TRIM37: variants seen among roughly 807,000 people sequenced by gnomAD.
TRIM37 encodes tripartite motif containing 37.
A neutral mutation model predicts 129.8 loss-of-function variants in TRIM37; 80 were observed. The observed-to-expected ratio is 0.62, with a 90% CI of 0.51 to 0.74. The LOEUF (loss-of-function observed/expected upper bound fraction) is 0.74, where lower values mean the gene tolerates loss of function less well. Among genes scored for constraint, TRIM37 ranks in the 30% least tolerant of loss-of-function variants. The probability of loss-of-function intolerance (pLI) is 0.00; values close to 1 mark genes in which losing one functional copy is unlikely to be tolerated. For missense variants in TRIM37, 1,054 were observed against 1,176.5 expected, an observed-to-expected ratio of 0.90 and a Z score of 1.52; for synonymous variants, 389 against 387.1, an observed-to-expected ratio of 1.00 and a Z score of -0.06.
chr17:59,031,786 A>G, intron 18 of TRIM37, 110 bp downstream of exon 18: 1 of 1,115,278 alleles, frequency 9.0e-7, no homozygotes. Flanking sequence ...ACAATGAAAA[A>G]CACAGAAATA....
chr17:59,042,212 T>C (rs935377643), intron 16 of TRIM37, among the ~76,000 whole-genome samples: 3 of 150,376 alleles, frequency 2.0e-5, no homozygotes, highest in Non-Finnish European at 4.4e-5. Flanking sequence ...CTGTCTCTAC[T>C]AAAAATACAA....
In TRIM37 at chr17:59,001,704, G is replaced by C; in HGVS notation, c.2706C>G (p.Ser902Arg). 6.2e-7 allele frequency: 1 copy of C among 1,613,944 alleles called. No individual in the cohort carries two copies. Among genetic ancestry groups the C allele is most frequent in the Non-Finnish European group, 8.5e-7 (1 of 1,179,942 alleles). ...ASAAPEEGMS[S>R]DSDIECDTEN... ...CAGTGTCACATTCAATGTCACTGTC[G>C]CTACTCATTCCTGGCAGGAAGGAAG... The change falls in exon 23 of 24, where the codon AGC (serine) becomes AGG (arginine). Residue 902 changes from serine to arginine, a missense_variant. Ser to Arg is a moderately radical substitution (Grantham distance 110). This residue lies in a region of TRIM37 where 287 missense variants were observed against 274.3 expected (regional missense o/e 1.05). Coordinates refer to ENST00000262294, the MANE Select transcript of TRIM37 (RefSeq NM_015294.6).
At chr17:59,067,176 C>T (rs577496075) in intron 9 of TRIM37, among the ~76,000 whole-genome samples, 65 of 152,272 alleles carry the variant, frequency 4.3e-4, no homozygotes, top group African/African-American at 1.2e-3. Flanking sequence ...CATCTAATTC[C>T]ACCACCACAT....
intron 1 of TRIM37, among the ~76,000 whole-genome samples, chr17:59,105,963 G>A (rs1482003608): frequency 2.0e-5 from 3 of 152,164 alleles, no homozygotes; most frequent in African/African-American, 7.2e-5. Context: ...AGAAGAGTTT[G>A]TTCTGGAAAC....
chr17:59,062,864 CT>C (rs2041613075), intron 10 of TRIM37, among the ~76,000 whole-genome samples: 1 of 152,070 alleles, frequency 6.6e-6, no homozygotes, highest in African/African-American at 2.4e-5. Flanking sequence ...TCAGCAATAT[CT>C]TTTAAGTTTC....
In TRIM37 at chr17:59,079,430, T is replaced by C. The variant is rs542226032; in HGVS notation, c.616+324A>G. On this transcript the variant is annotated intron_variant, in intron 7 of 23. Coordinates refer to ENST00000262294, the MANE Select transcript of TRIM37 (RefSeq NM_015294.6). ...TCAGTTTCTTCATCCCCAATGAAAA[T>C]GGATGGAAAGGATATGGAACATTAG... Among the ~76,000 whole-genome samples, 40 of 152,062 alleles carry C rather than the reference T, an allele frequency of 2.6e-4. No homozygotes were observed. The South Asian group carries it at 8.1e-3, about 31-fold the overall frequency.
chr17:59,103,496 C>T (rs889242141), intron 2 of TRIM37, among the ~76,000 whole-genome samples: 13 of 151,714 alleles, frequency 8.6e-5, no homozygotes, highest in Non-Finnish European at 1.8e-4. Flanking sequence ...CACACACCAC[C>T]ATGCCCAGCT....
chr17:58,972,187 A>T, the TRIM37 span: 1 of 1,613,974 alleles, frequency 6.2e-7, no homozygotes, highest in Admixed American at 1.7e-5. Flanking sequence ...AACATGCTAC[A>T]TGTGGCCTGG....
At position 59,047,672 on chromosome 17, in the gene TRIM37, G is replaced by A; in HGVS notation, c.1667+11C>T. On this transcript the variant is annotated intron_variant, in intron 16 of 23. Transcript: ENST00000262294. ...CTTAAATGCTTTACAGTAGTAAAGTGGGAAACTCACATAGTTTCTTCATCA... is the reference window on the plus strand; with the variant it reads ...CTTAAATGCTTTACAGTAGTAAAGTAGGAAACTCACATAGTTTCTTCATCA... 6.2e-7 allele frequency: 1 copy of A among 1,610,992 alleles called. No individual in the cohort carries two copies. Among genetic ancestry groups the A allele is most frequent in the Non-Finnish European group, 8.5e-7 (1 of 1,178,382 alleles).
At chr17:59,056,159 T>C (rs896511935) in intron 13 of TRIM37, among the ~76,000 whole-genome samples, 1 of 152,038 alleles carries the variant, frequency 6.6e-6, no homozygotes, top group South Asian at 2.1e-4. Flanking sequence ...AACAGACAAA[T>C]GGAACATTAC....
intron 14 of TRIM37, among the ~76,000 whole-genome samples, 192 bp downstream of exon 14, chr17:59,051,022 C>G (rs1301420780): frequency 1.3e-5 from 2 of 151,894 alleles, no homozygotes; most frequent in African/African-American, 4.8e-5. Flanking sequence ...TTTACATGGC[C>G]GTATGTGGCT....
At chr17:59,080,718 G>C (rs1457607979) in intron 6 of TRIM37, among the ~76,000 whole-genome samples, 2 of 152,154 alleles carry the variant, frequency 1.3e-5, no homozygotes, top group Admixed American at 1.3e-4. Context: ...TTGAGCCCGG[G>C]AGGTGGAGGT....
intron 7 of TRIM37, among the ~76,000 whole-genome samples, chr17:59,076,186 T>TA (rs971188115): frequency 6.4e-4 from 95 of 147,824 alleles, no homozygotes; most frequent in South Asian, 1.5e-3. Context: ...AGGACCTGTT[T>TA]AAAAAAAAAA....
intron 22 of TRIM37, among the ~76,000 whole-genome samples, chr17:59,009,999 T>C (rs1002914197): frequency 3.3e-5 from 5 of 152,200 alleles, no homozygotes; most frequent in Admixed American, 6.5e-5. Flanking sequence ...AACTGGCTAT[T>C]AGTCTCCCCT....
At chr17:59,007,088 C>T (rs1241633026) in intron 22 of TRIM37, among the ~76,000 whole-genome samples, 3 of 151,092 alleles carry the variant, frequency 2.0e-5, no homozygotes, top group Non-Finnish European at 2.9e-5. Flanking sequence ...ATCTTACCGC[C>T]CTGAGAAGAG....
intron 22 of TRIM37, among the ~76,000 whole-genome samples, chr17:59,010,938 A>T (rs2035172210): frequency 6.6e-6 from 1 of 152,028 alleles, no homozygotes; most frequent in East Asian, 1.9e-4. Context: ...TGGGAGGCTG[A>T]GGCGAGTGGT....
chr17:59,087,662 G>A (rs549334332), intron 4 of TRIM37, among the ~76,000 whole-genome samples: 1 of 152,036 alleles, frequency 6.6e-6, no homozygotes, highest in Admixed American at 6.6e-5. Flanking sequence ...CTAATGACCT[G>A]TGAGGTTTCA....
chr17:59,090,350 T>C (rs1330724178), intron 3 of TRIM37, among the ~76,000 whole-genome samples: 1 of 152,104 alleles, frequency 6.6e-6, no homozygotes, highest in African/African-American at 2.4e-5. Context: ...TATTATATCA[T>C]TGGTACATTT....
At chr17:59,023,671 A>G (rs1568003146) in intron 19 of TRIM37, among the ~76,000 whole-genome samples, 1 of 152,018 alleles carries the variant, frequency 6.6e-6, no homozygotes, top group Non-Finnish European at 1.5e-5. Context: ...AAGAAACACA[A>G]AAACAAAAAA....
Sources: allele counts gnomAD v4.1 joint callset (sites outside exome capture counted in the v4.1 genomes callset), GRCh38; gene constraint gnomAD v4.1.1; regional missense constraint gnomAD v4.1.1; transcripts MANE v1.5; gene names NCBI Gene and HGNC (gene_info 2026-07-23, HGNC 2026-07-21).